The following STK3 variants were observed in gnomAD, a reference collection of about 807,000 sequenced individuals.
STK3 encodes the protein serine/threonine-protein kinase 3.
Under a neutral mutation model 58.0 loss-of-function variants are expected in STK3, and 41 were observed. The observed-to-expected ratio is 0.71, with a 90% confidence interval of 0.55 to 0.92. The LOEUF is 0.92. Ranked by LOEUF, STK3 falls within the 40% of genes least tolerant of loss-of-function variation. The pLI is 0.00. For synonymous variants in STK3, 170 were observed against 191.0 expected (o/e 0.89, Z 0.91); for missense variants, 479 against 602.7 (o/e 0.79, Z 2.15).
Position 98,632,995 on chromosome 8 carries a change from G to A in STK3, c.685-36826C>T, listed in dbSNP as rs189820798. Among the ~76,000 whole-genome samples the A allele has an allele frequency of 4.6e-3, 704 of 152,200 alleles. 4 individuals carry two copies. Among genetic ancestry groups the A allele is most frequent in the African/African-American group, 0.016 (646 of 41,550 alleles). ...TTTAATAATTAGTATGTCATAAAGC[G>A]TAGTATTAGATACTGAAGACACAAA... is the stretch of plus-strand genomic sequence containing the variant. On this transcript the variant is annotated intron_variant, in intron 6 of 10. Transcript: ENST00000419617.
chr8:98,941,951 G>T lies in STK3; in HGVS notation c.-79+427C>A, dbSNP rs994652649. Among the ~76,000 whole-genome samples the T allele has an allele frequency of 6.6e-5, 10 of 152,360 alleles. 1 individual carries two copies. Among genetic ancestry groups the T allele is most frequent in the African/African-American group, 2.4e-4 (10 of 41,582 alleles). On this transcript the variant is annotated intron_variant, in intron 1 of 1. Transcript: ENST00000519420. ...GCCGCGGCAGGAATGGAACGGCTCC[G>T]CGGAGACAGCCTCGGGGGCACAGCC...
intron 3 of STK3, among the ~76,000 whole-genome samples, chr8:98,420,224 TTGTC>T (rs1818154083): frequency 6.6e-6 from 1 of 152,130 alleles, no homozygotes; most frequent in Non-Finnish European, 1.5e-5. Context: ...AATCCTCCCT[TTGTC>T]TGGCGAATCC....
chr8:98,460,145 G>A (rs970947314), intron 10 of STK3, among the ~76,000 whole-genome samples: 1 of 152,206 alleles, frequency 6.6e-6, no homozygotes, highest in African/African-American at 2.4e-5. Flanking sequence ...AAGCCACAGG[G>A]GTAGTGCTAC....
intron 3 of STK3, among the ~76,000 whole-genome samples, chr8:98,847,594 A>G (rs1268752068): frequency 1.3e-5 from 2 of 152,208 alleles, no homozygotes; most frequent in African/African-American, 4.8e-5. Flanking sequence ...GGTTGTCTTT[A>G]GTAGCAGAAT....
chr8:98,750,835 T>C (rs760617278), intron 3 of STK3, among the ~76,000 whole-genome samples: 2 of 152,150 alleles, frequency 1.3e-5, no homozygotes, highest in East Asian at 1.9e-4. Flanking sequence ...TTGATGAACA[T>C]TGATGCAAAA....
At chr8:98,654,441 T>G (rs1821288393) in intron 6 of STK3, among the ~76,000 whole-genome samples, 1 of 152,126 alleles carries the variant, frequency 6.6e-6, no homozygotes, top group African/African-American at 2.4e-5. Flanking sequence ...GGATGCCCTC[T>G]CTCACCACTC....
chr8:98,756,247 T>C (rs573659190), intron 3 of STK3, among the ~76,000 whole-genome samples: 1 of 152,270 alleles, frequency 6.6e-6, no homozygotes, highest in Admixed American at 6.5e-5. Flanking sequence ...TTTAGGACTC[T>C]CCAAGGGAAT....
Position 98,610,312 on chromosome 8 carries a change from C to T in STK3, c.685-14143G>A, listed in dbSNP as rs114995033. 1.2e-3 allele frequency among the ~76,000 whole-genome samples: 189 copies of T among 152,240 alleles called. 1 individual carries two copies. The highest frequency in any genetic ancestry group is 4.2e-3 in the African/African-American group (175 of 41,552). ...ATTAGGGAAATAAATTAATACTAGT[C>T]ATTAGCAGTTTTTGTATCATCTGGT... On this transcript the variant is annotated intron_variant, in intron 6 of 10. Coordinates refer to ENST00000419617, the MANE Select transcript of STK3 (RefSeq NM_006281.4).
chr8:98,845,256 T>A (rs1368644243), intron 3 of STK3, among the ~76,000 whole-genome samples: 1 of 152,236 alleles, frequency 6.6e-6, no homozygotes, highest in Non-Finnish European at 1.5e-5. Context: ...AATATATTTA[T>A]CAATTTTATG....
chr8:98,809,098 A>G (rs1834059763), intron 1 of STK3, among the ~76,000 whole-genome samples: 1 of 152,220 alleles, frequency 6.6e-6, no homozygotes, highest in Non-Finnish European at 1.5e-5. Context: ...CCATGGAGAC[A>G]TAAGCTCCTG....
intron 1 of STK3, among the ~76,000 whole-genome samples, chr8:98,380,947 T>C (rs74590091): frequency 6.7e-6 from 1 of 149,460 alleles, no homozygotes; most frequent in East Asian, 2.0e-4. Flanking sequence ...TTTTAATTAA[T>C]TAATTTCTCT....
At chr8:98,807,067 T>C (rs1386084329) in intron 1 of STK3, among the ~76,000 whole-genome samples, 1 of 145,128 alleles carries the variant, frequency 6.9e-6, no homozygotes. Flanking sequence ...GGCAGGAAAA[T>C]GCCGCAAACC....
At chr8:98,362,899 G>C in the STK3 span, among the ~76,000 whole-genome samples, 1 of 152,072 alleles carries the variant, frequency 6.6e-6, no homozygotes. Context: ...GTCTAATTTG[G>C]GTCAGCAAAT....
At chr8:98,931,636 A>T (rs1490525604) in intron 1 of STK3, among the ~76,000 whole-genome samples, 1 of 152,202 alleles carries the variant, frequency 6.6e-6, no homozygotes, top group Non-Finnish European at 1.5e-5. Flanking sequence ...TTTTGATAAC[A>T]GCCATTTTTG....
intron 6 of STK3, among the ~76,000 whole-genome samples, chr8:98,656,938 G>A (rs182019098): frequency 1.3e-5 from 2 of 152,144 alleles, no homozygotes; most frequent in African/African-American, 4.8e-5. Context: ...AATACTGGTT[G>A]AGTCACTCAT....
intron 3 of STK3, among the ~76,000 whole-genome samples, chr8:98,840,585 A>G (rs1199462053): frequency 1.6e-4 from 3 of 18,810 alleles, no homozygotes; most frequent in African/African-American, 2.4e-4. Context: ...AAAAAAATGT[A>G]TATATATATA....
At chr8:98,870,252 T>C (rs1041970020) in intron 3 of STK3, among the ~76,000 whole-genome samples, 1 of 152,232 alleles carries the variant, frequency 6.6e-6, no homozygotes, top group Non-Finnish European at 1.5e-5. Context: ...CTGATGGACA[T>C]TTGGGTTGGT....
chr8:98,734,654 T>G (rs978614559), intron 4 of STK3, among the ~76,000 whole-genome samples: 2 of 152,220 alleles, frequency 1.3e-5, no homozygotes, highest in African/African-American at 4.8e-5. Context: ...CACAGAGTTA[T>G]GCATTTCTAC....
Position 98,825,558 on chromosome 8 carries a change from A to G in STK3, c.-18T>C. 1 of 1,453,162 alleles carries G rather than the reference A, an allele frequency of 6.9e-7. No homozygotes were observed. Among genetic ancestry groups the G allele is most frequent in the African/African-American group, 1.5e-5 (1 of 66,604 alleles). The allele number at this position is 1,453,162 out of a possible 1,614,324, so 90.0% of individuals were successfully genotyped here. On this transcript the variant is annotated 5_prime_UTR_variant, in exon 1 of 11. Transcript: ENST00000419617. ...TGCTCCATGGCGGCCGGGGACAGAG[A>G]GAGGGACCTGGTGGACGGCGAAGGC...
Sources: gnomAD v4.1 joint callset for allele counts (sites outside exome capture counted in the v4.1 genomes callset) on GRCh38, gnomAD v4.1.1 for gene constraint, MANE v1.5 for transcripts, NCBI Gene and HGNC (gene_info 2026-07-23, HGNC 2026-07-21) for gene names.